Variants in CCSER1 observed in about 807,000 individuals in gnomAD.
The protein encoded by CCSER1 is serine-rich coiled-coil domain-containing protein 1.
A neutral mutation model predicts 82.0 loss-of-function variants in CCSER1; 41 were observed. The observed-to-expected ratio is 0.50, with a 90% CI of 0.39 to 0.65. The LOEUF is 0.65. Ranked by LOEUF, CCSER1 falls within the 30% of genes least tolerant of loss-of-function variation. The probability of loss-of-function intolerance (pLI) is 0.00; values close to 1 mark genes in which losing one functional copy is unlikely to be tolerated. For synonymous variants in CCSER1, 414 were observed against 383.9 expected (o/e 1.08, Z -0.92); for missense variants, 1,119 against 1,064.2 (o/e 1.05, Z -0.72).
chr4:90,221,002 T>C (rs1479399723), intron 1 of CCSER1, among the ~76,000 whole-genome samples: 2 of 152,184 alleles, frequency 1.3e-5, no homozygotes, highest in African/African-American at 2.4e-5. Flanking sequence ...TTGAAGATGA[T>C]TTAGAAATTG....
intron 9 of CCSER1, among the ~76,000 whole-genome samples, chr4:90,988,334 C>CAAA (rs60408059): frequency 2.4e-4 from 18 of 75,370 alleles, no homozygotes; most frequent in African/African-American, 8.2e-4. Context: ...TATCTTGTCT[C>CAAA]AAAAAAAAAA....
At chr4:90,245,752 T>C (rs1721304416) in intron 1 of CCSER1, among the ~76,000 whole-genome samples, 1 of 152,198 alleles carries the variant, frequency 6.6e-6, no homozygotes, top group African/African-American at 2.4e-5. Flanking sequence ...CTTCACCTTC[T>C]GGTGTTTGTG....
chr4:91,591,490 G>A (rs1413679019), intron 10 of CCSER1, among the ~76,000 whole-genome samples: 4 of 151,928 alleles, frequency 2.6e-5, no homozygotes, highest in Admixed American at 6.6e-5. Flanking sequence ...TTTATTTTCT[G>A]AAATAATAAA....
chr4:91,150,640 A>G (rs528321026), intron 10 of CCSER1, among the ~76,000 whole-genome samples: 1 of 152,196 alleles, frequency 6.6e-6, no homozygotes, highest in Admixed American at 6.5e-5. Flanking sequence ...AGCTCTTATT[A>G]TTTTGAGATA....
chr4:91,255,952 G>C (rs1469690395), intron 10 of CCSER1, among the ~76,000 whole-genome samples: 1 of 152,134 alleles, frequency 6.6e-6, no homozygotes, highest in Admixed American at 6.6e-5. Context: ...CCTTGAAAAA[G>C]GAACAGGATA....
chr4:91,235,353 T>A (rs1007524895), intron 10 of CCSER1, among the ~76,000 whole-genome samples: 3 of 152,122 alleles, frequency 2.0e-5, no homozygotes, highest in African/African-American at 7.2e-5. Flanking sequence ...CAGGAGTTCT[T>A]GAAAATACAC....
At chr4:91,038,568 A>G (rs550662590) in intron 9 of CCSER1, among the ~76,000 whole-genome samples, 63 of 152,334 alleles carry the variant, frequency 4.1e-4, no homozygotes, top group African/African-American at 1.5e-3. Context: ...ATTGTAAACA[A>G]CAATTAATTT....
At chr4:90,761,664 A>G (rs1429461464) in intron 7 of CCSER1, among the ~76,000 whole-genome samples, 1 of 152,218 alleles carries the variant, frequency 6.6e-6, no homozygotes, top group East Asian at 1.9e-4. Flanking sequence ...GTTCATATCT[A>G]TAAACATTAC....
At chr4:90,992,703 G>A (rs1737148075) in intron 9 of CCSER1, among the ~76,000 whole-genome samples, 2 of 151,876 alleles carry the variant, frequency 1.3e-5, no homozygotes, top group Non-Finnish European at 2.9e-5. Context: ...TCAATTACTT[G>A]CTGGCTGTTC....
chr4:90,860,011 T>C (rs1206981446), intron 8 of CCSER1, among the ~76,000 whole-genome samples: 1 of 151,756 alleles, frequency 6.6e-6, no homozygotes, highest in East Asian at 1.9e-4. Context: ...ATGTGAGCCT[T>C]TGTGTCAAAA....
chr4:90,967,804 T>G (rs1275148096), intron 9 of CCSER1, among the ~76,000 whole-genome samples: 1 of 151,922 alleles, frequency 6.6e-6, no homozygotes, highest in Non-Finnish European at 1.5e-5. Context: ...TTTTTCACAA[T>G]CTCCCATGGA....
At chr4:90,583,076 A>G (rs372337941) in intron 5 of CCSER1, among the ~76,000 whole-genome samples, 3 of 152,134 alleles carry the variant, frequency 2.0e-5, no homozygotes, top group Admixed American at 6.5e-5. Context: ...TTTTACCTCA[A>G]ATTAACCACA....
At chr4:90,699,079 C>T (rs1050262462) in intron 6 of CCSER1, among the ~76,000 whole-genome samples, 4 of 151,826 alleles carry the variant, frequency 2.6e-5, no homozygotes, top group African/African-American at 7.3e-5. Context: ...CCAGCCGGGG[C>T]GAAAGACTGA....
chr4:90,651,269 C>T (rs572026899), intron 6 of CCSER1, among the ~76,000 whole-genome samples: 1 of 152,130 alleles, frequency 6.6e-6, no homozygotes, highest in East Asian at 1.9e-4. Flanking sequence ...TTCACAATAG[C>T]AAAGACTTGG....
chr4:90,448,117 C>T (rs1325143382), intron 4 of CCSER1, among the ~76,000 whole-genome samples: 1 of 151,982 alleles, frequency 6.6e-6, no homozygotes, highest in Non-Finnish European at 1.5e-5. Context: ...ATATATCAAG[C>T]ACCTTCTTTT....
chr4:91,073,815 T>C (rs1437591077), intron 9 of CCSER1, among the ~76,000 whole-genome samples: 1 of 152,064 alleles, frequency 6.6e-6, no homozygotes, highest in Non-Finnish European at 1.5e-5. Context: ...AGGACCAATA[T>C]ACCTGTCTTA....
At chr4:91,463,833 T>A in intron 10 of CCSER1, among the ~76,000 whole-genome samples, 1 of 152,108 alleles carries the variant, frequency 6.6e-6, no homozygotes, top group East Asian at 1.9e-4. Flanking sequence ...GAACAAAGCC[T>A]CCAAGAAATA....
At chr4:91,337,026 A>G (rs1747369110) in intron 10 of CCSER1, among the ~76,000 whole-genome samples, 1 of 152,096 alleles carries the variant, frequency 6.6e-6, no homozygotes, top group African/African-American at 2.4e-5. Context: ...GACCTTTTTC[A>G]TATAAATGCT....
intron 10 of CCSER1, among the ~76,000 whole-genome samples, chr4:91,271,784 C>T (rs181485481): frequency 7.2e-4 from 109 of 152,098 alleles, no homozygotes; most frequent in Non-Finnish European, 1.1e-3. Flanking sequence ...GACGGAGTTT[C>T]GCTCTTGTTG....
Sources: gnomAD v4.1 joint callset for allele counts (sites outside exome capture counted in the v4.1 genomes callset) on GRCh38, gnomAD v4.1.1 for gene constraint, MANE v1.5 for transcripts, NCBI Gene and HGNC (gene_info 2026-07-23, HGNC 2026-07-21) for gene names.